SCD5: variants seen among roughly 807,000 people sequenced by gnomAD.
SCD5 encodes stearoyl-CoA desaturase 5.
In SCD5, 20 loss-of-function variants were observed where a neutral mutation model predicts 30.4. The ratio of observed to expected loss-of-function variants is 0.66; its 90% CI spans 0.46 to 0.96. The LOEUF (loss-of-function observed/expected upper bound fraction) is 0.96. Ranked by LOEUF, SCD5 falls within the 40% of genes least tolerant of loss-of-function variation. The pLI is 0.00. For synonymous variants in SCD5, 173 were observed against 176.4 expected, an observed-to-expected ratio of 0.98 and a Z score of 0.16; for missense variants, 381 against 443.3, an observed-to-expected ratio of 0.86 and a Z score of 1.26.
chr4:82,741,613 A>G (rs1720874283), intron 1 of SCD5, among the ~76,000 whole-genome samples: 1 of 152,184 alleles, frequency 6.6e-6, no homozygotes, highest in Admixed American at 6.5e-5. Context: ...GTAGGCAGCA[A>G]TAGAGAACTA....
At chr4:82,741,099 A>AT (rs34852290) in intron 1 of SCD5, among the ~76,000 whole-genome samples, 79 of 139,250 alleles carry the variant, frequency 5.7e-4, no homozygotes, top group East Asian at 1.5e-3. Context: ...GTGCCAGCTA[A>AT]TTTTTTTTTT....
chr4:82,736,603 T>C (rs1720757414), intron 1 of SCD5, among the ~76,000 whole-genome samples: 1 of 85,746 alleles, frequency 1.2e-5, no homozygotes, highest in African/African-American at 3.2e-5. Context: ...AGTGAGACTT[T>C]GCCTCAAAAA....
chr4:82,705,325 A>G lies in SCD5; in HGVS notation c.321T>C (p.Pro107=), dbSNP rs1359713424. The change falls in exon 2 of 5, where the codon CCT becomes CCC. Residue 107 remains proline (P), a synonymous_variant. Coordinates refer to ENST00000319540, the MANE Select transcript of SCD5 (RefSeq NM_001037582.3). Reference sequence around the variant, plus strand: ...TGGCGACAGCCAGAAATATCCTCAGAGGCAGCTTGGCCCGGTAGGACCTGT... The same window carrying G: ...TGGCGACAGCCAGAAATATCCTCAGGGGCAGCTTGGCCCGGTAGGACCTGT... ...WSHRSYRAKL[P]LRIFLAVANS... is the part of the protein sequence containing the mutation. 2.5e-6 allele frequency: 4 copies of G among 1,614,122 alleles called. No homozygotes were observed. Among genetic ancestry groups the G allele is most frequent in the African/African-American group, 1.3e-5 (1 of 74,952 alleles).
intron 1 of SCD5, among the ~76,000 whole-genome samples, chr4:82,707,445 G>A (rs1201848595): frequency 6.6e-6 from 1 of 152,196 alleles, no homozygotes; most frequent in Non-Finnish European, 1.5e-5. Context: ...CCTCCAAGAT[G>A]GTCCATGTGC....
intron 1 of SCD5, among the ~76,000 whole-genome samples, chr4:82,716,612 G>C (rs553400984): frequency 6.6e-6 from 1 of 151,726 alleles, no homozygotes; most frequent in Non-Finnish European, 1.5e-5. Flanking sequence ...TCAGGAGTTC[G>C]AGACCAGCCT....
intron 1 of SCD5, among the ~76,000 whole-genome samples, chr4:82,727,690 T>C (rs559906925): frequency 1.3e-5 from 2 of 152,182 alleles, no homozygotes; most frequent in Non-Finnish European, 2.9e-5. Flanking sequence ...CTCCCCTTTC[T>C]GGCCTTGAGA....
intron 1 of SCD5, among the ~76,000 whole-genome samples, chr4:82,743,284 A>G (rs1381456679): frequency 6.6e-6 from 1 of 152,068 alleles, no homozygotes; most frequent in Non-Finnish European, 1.5e-5. Context: ...CCGAGGTGGG[A>G]GGACTGCTTG....
At chr4:82,656,027 A>G (rs1727860472) in intron 3 of SCD5, among the ~76,000 whole-genome samples, 1 of 152,168 alleles carries the variant, frequency 6.6e-6, no homozygotes, top group Non-Finnish European at 1.5e-5. Flanking sequence ...ATAGGGGAAA[A>G]TGTTTAATAG....
rs193100472 is a variant in SCD5, at chr4:82,719,081, G to T, written c.233-13668C>A. Among the ~76,000 whole-genome samples the T allele has an allele frequency of 9.7e-4, 148 of 151,812 alleles. 1 individual carries two copies. The highest frequency in any genetic ancestry group is 5.8e-3 in the Admixed American group (89 of 15,272). ...GCCCCCAGGCCACAACCAACCCACA[G>T]ATTTTTTAAAAAACTGATCCAACAA... On this transcript the variant is annotated intron_variant, in intron 1 of 4. Coordinates refer to ENST00000319540, the MANE Select transcript of SCD5 (RefSeq NM_001037582.3).
intron 1 of SCD5, among the ~76,000 whole-genome samples, chr4:82,707,831 G>A (rs1427648121): frequency 6.6e-6 from 1 of 152,222 alleles, no homozygotes; most frequent in Non-Finnish European, 1.5e-5. Context: ...CTGCAGCCCC[G>A]TGGGAGATCT....
intron 3 of SCD5, among the ~76,000 whole-genome samples, chr4:82,669,944 G>C (rs1056124679): frequency 2.0e-5 from 3 of 152,064 alleles, no homozygotes; most frequent in African/African-American, 7.2e-5. Context: ...AGAAACACTT[G>C]TGGAGTCCAC....
intron 1 of SCD5, among the ~76,000 whole-genome samples, chr4:82,724,871 C>T (rs1303860603): frequency 6.6e-6 from 1 of 152,246 alleles, no homozygotes; most frequent in African/African-American, 2.4e-5. Context: ...GCCTGTCCTC[C>T]ACTGCCTCTG....
At chr4:82,689,240 T>C (rs1578022339) in intron 2 of SCD5, among the ~76,000 whole-genome samples, 1 of 152,164 alleles carries the variant, frequency 6.6e-6, no homozygotes, top group South Asian at 2.1e-4. Context: ...GGAAAGGAAG[T>C]GCTTAAAAAA....
chr4:82,647,008 A>T (rs1727646522), intron 3 of SCD5, among the ~76,000 whole-genome samples: 1 of 152,146 alleles, frequency 6.6e-6, no homozygotes, highest in Admixed American at 6.5e-5. Context: ...TATTTTTAGT[A>T]GAGACAGAGT....
chr4:82,632,599 G>C (rs1727319290), intron 4 of SCD5, among the ~76,000 whole-genome samples: 1 of 152,142 alleles, frequency 6.6e-6, no homozygotes, highest in African/African-American at 2.4e-5. Context: ...CTAGATCCTT[G>C]AGGAATTGCC....
chr4:82,796,162 TGGGAGGCTG>T (rs940059364), intron 1 of SCD5, among the ~76,000 whole-genome samples: 6 of 150,648 alleles, frequency 4.0e-5, no homozygotes, highest in Non-Finnish European at 8.9e-5. Flanking sequence ...CCCAACTACT[TGGGAGGCTG>T]AAGCAGGAGA....
intron 3 of SCD5, among the ~76,000 whole-genome samples, chr4:82,640,309 G>T (rs1372749653): frequency 6.6e-6 from 1 of 152,154 alleles, no homozygotes; most frequent in East Asian, 1.9e-4. Flanking sequence ...GTTTCCCAGG[G>T]GTAAGGAGGA....
Position 82,722,765 on chromosome 4 carries a change from CA to C in SCD5, c.233-17353del, listed in dbSNP as rs879522323. The stretch of plus-strand genomic sequence containing the variant: ...GGGTGACAAGAGCCAAACTCCATCT[CA>C]AAAAAAAAAAAGTATTCTCGGCTGG... On this transcript the variant is annotated intron_variant, in intron 1 of 4. Transcript: ENST00000319540. 1.6e-3 allele frequency among the ~76,000 whole-genome samples: 226 copies of C among 140,702 alleles called. 1 individual carries two copies. Among genetic ancestry groups the C allele is most frequent in the Admixed American group, 2.6e-3 (37 of 13,996 alleles). The allele number at this position is 140,702 out of a possible 152,430, so 92.3% of individuals were successfully genotyped here.
intron 2 of SCD5, among the ~76,000 whole-genome samples, chr4:82,699,573 T>TTTTG (rs1491021782): frequency 7.1e-4 from 1 of 1,412 alleles, no homozygotes; most frequent in Non-Finnish European, 1.4e-3. Context: ...GTTTTTTGTT[T>TTTTG]TTTTTTTTTT....
Sources: gnomAD v4.1 joint callset for allele counts (sites outside exome capture counted in the v4.1 genomes callset) on GRCh38, gnomAD v4.1.1 for gene constraint, MANE v1.5 for transcripts, NCBI Gene and HGNC (gene_info 2026-07-23, HGNC 2026-07-21) for gene names.